SGCD: variants seen among roughly 807,000 people sequenced by gnomAD.
SGCD encodes the protein delta-sarcoglycan.
SGCD carries 18 observed loss-of-function variants against 36.6 expected under a neutral mutation model. The observed-to-expected ratio is 0.49, with a 90% CI of 0.34 to 0.73. The LOEUF (loss-of-function observed/expected upper bound fraction) is 0.73, where lower values mean the gene tolerates loss of function less well. SGCD is among the 30% of genes least tolerant of loss of function. The pLI, the probability that SGCD is intolerant of heterozygous loss-of-function variation, is 0.01. For synonymous variants in SGCD, 133 were observed against 130.6 expected (o/e 1.02, Z -0.12); for missense variants, 387 against 346.7 (o/e 1.12, Z -0.92).
At chr5:156,715,663 C>T (rs898406392) in intron 7 of SGCD, among the ~76,000 whole-genome samples, 1 of 152,160 alleles carries the variant, frequency 6.6e-6, no homozygotes, top group African/African-American at 2.4e-5. Context: ...TTGCAGCTTG[C>T]CACTTATTAA....
chr5:156,292,530 A>G (rs1766785449), intron 3 of SGCD, among the ~76,000 whole-genome samples: 1 of 152,170 alleles, frequency 6.6e-6, no homozygotes, highest in Non-Finnish European at 1.5e-5. Flanking sequence ...TCCACATTTT[A>G]GCTATTGTAA....
At chr5:156,243,969 T>C (rs1765368682) in intron 3 of SGCD, among the ~76,000 whole-genome samples, 1 of 152,184 alleles carries the variant, frequency 6.6e-6, no homozygotes. Flanking sequence ...GTTTACCTTA[T>C]TTCACGGTAC....
intron 2 of SGCD, among the ~76,000 whole-genome samples, chr5:156,333,783 ATTTTTTTTTTTTTTTTTTT>A (rs70984404): frequency 3.5e-4 from 7 of 19,930 alleles, no homozygotes; most frequent in African/African-American, 1.2e-3. Flanking sequence ...TAGAAAAGTG[ATTTTTTTTTTTTTTTTTTT>A]TTTTTTTTTT....
chr5:156,605,098 G>A (rs565726544), intron 6 of SGCD, among the ~76,000 whole-genome samples: 138 of 151,826 alleles, frequency 9.1e-4, no homozygotes, highest in Non-Finnish European at 1.5e-3. Flanking sequence ...TGTGCACAAC[G>A]TGCAGGTTTG....
At chr5:156,563,590 A>G (rs1759357939) in intron 4 of SGCD, among the ~76,000 whole-genome samples, 1 of 152,218 alleles carries the variant, frequency 6.6e-6, no homozygotes, top group South Asian at 2.1e-4. Flanking sequence ...AGTTCTTCAG[A>G]CTAAATTACA....
intron 1 of SGCD, among the ~76,000 whole-genome samples, chr5:156,070,731 G>T (rs1213254985): frequency 4.6e-5 from 7 of 152,090 alleles, no homozygotes; most frequent in Non-Finnish European, 1.5e-5. Flanking sequence ...TGTACCTCTG[G>T]TAGAATTCGG....
In SGCD at chr5:156,442,839, T is replaced by C. The variant is rs567340658; in HGVS notation, c.193-65762T>C. On this transcript the variant is annotated intron_variant, in intron 3 of 8. Transcript: ENST00000337851. ...AATGTCCTTGCCCTTACAGGGCTTA[T>C]GTTCTAGTGGAGGATGTAGATAGTA... Among the ~76,000 whole-genome samples, 37 of 152,368 alleles carry C rather than the reference T, an allele frequency of 2.4e-4. No individual in the cohort carries two copies. In the South Asian group the frequency reaches 7.0e-3, roughly 29 times the overall value.
chr5:156,573,183 C>T (rs1391625455), intron 4 of SGCD, among the ~76,000 whole-genome samples: 1 of 152,118 alleles, frequency 6.6e-6, no homozygotes, highest in Non-Finnish European at 1.5e-5. Context: ...TACTGTACTT[C>T]TTAAGAGCTT....
the SGCD span, among the ~76,000 whole-genome samples, chr5:155,742,644 C>A: frequency 0.026 from 3,932 of 152,242 alleles, 91 homozygotes; most frequent in Non-Finnish European, 0.041. Context: ...GTTTGTGGTT[C>A]CCCCCACCCA....
At chr5:156,136,566 A>G (rs1242479107) in intron 3 of SGCD, among the ~76,000 whole-genome samples, 1 of 152,232 alleles carries the variant, frequency 6.6e-6, no homozygotes, top group African/African-American at 2.4e-5. Context: ...GTAGTGATAT[A>G]GAGGGAATTG....
intron 1 of SGCD, among the ~76,000 whole-genome samples, chr5:156,102,643 T>A (rs138073588): frequency 5.9e-5 from 9 of 152,332 alleles, no homozygotes; most frequent in Non-Finnish European, 1.3e-4. Flanking sequence ...TGATGACTAT[T>A]TGCTGAGAAG....
At chr5:156,521,587 T>C (rs1472252140) in intron 4 of SGCD, among the ~76,000 whole-genome samples, 3 of 152,082 alleles carry the variant, frequency 2.0e-5, no homozygotes, top group Non-Finnish European at 2.9e-5. Context: ...CCAACAAATG[T>C]ATAAAAAAAG....
intron 3 of SGCD, among the ~76,000 whole-genome samples, chr5:156,411,658 CA>C: frequency 6.6e-6 from 1 of 152,240 alleles, no homozygotes; most frequent in East Asian, 1.9e-4. Flanking sequence ...ATAAGATAAA[CA>C]GTATGAAAAG....
At chr5:156,251,664 G>A (rs190234311) in intron 3 of SGCD, among the ~76,000 whole-genome samples, 39 of 151,712 alleles carry the variant, frequency 2.6e-4, no homozygotes, top group African/African-American at 8.7e-4. Context: ...ACAGGCACCC[G>A]CCACCACACC....
intron 1 of SGCD, among the ~76,000 whole-genome samples, chr5:155,922,402 T>C (rs1756896463): frequency 6.6e-6 from 1 of 152,138 alleles, no homozygotes; most frequent in African/African-American, 2.4e-5. Context: ...TCCTCACACT[T>C]GAGTTTCTGT....
chr5:155,992,577 G>A (rs1758455611), intron 1 of SGCD, among the ~76,000 whole-genome samples: 1 of 152,040 alleles, frequency 6.6e-6, no homozygotes, highest in Non-Finnish European at 1.5e-5. Flanking sequence ...CCTACCATGA[G>A]GTAAAATGAA....
intron 1 of SGCD, among the ~76,000 whole-genome samples, chr5:156,070,659 G>T (rs1393322465): frequency 5.9e-5 from 9 of 152,202 alleles, no homozygotes; most frequent in South Asian, 4.1e-4. Context: ...ATGAGTTAGG[G>T]AGGATTCCCC....
intron 1 of SGCD, among the ~76,000 whole-genome samples, chr5:155,954,770 A>G (rs1757616368): frequency 1.3e-5 from 2 of 152,270 alleles, no homozygotes; most frequent in East Asian, 1.9e-4. Flanking sequence ...ATGTATATCC[A>G]GGAAGAGCCT....
Position 156,378,022 on chromosome 5 carries a change from C to T in SGCD, c.192+33345C>T, listed in dbSNP as rs188144470. Among the ~76,000 whole-genome samples the T allele has an allele frequency of 9.2e-5, 14 of 152,188 alleles. No individual in the cohort carries two copies. The East Asian group carries it at 2.1e-3, about 23-fold the overall frequency. ...GGTATAGATCCCAAAGAAGTGAAAT[C>T]GGGGATTGAGGCAGATATTTGTTCA... is the stretch of plus-strand genomic sequence containing the variant. On this transcript the variant is annotated intron_variant, in intron 3 of 8. Transcript: ENST00000337851.
Sources: gnomAD v4.1 joint callset for allele counts (sites outside exome capture counted in the v4.1 genomes callset) on GRCh38, gnomAD v4.1.1 for gene constraint, MANE v1.5 for transcripts, NCBI Gene and HGNC (gene_info 2026-07-23, HGNC 2026-07-21) for gene names.